RAC2: variants seen among roughly 807,000 people sequenced by gnomAD.
The protein encoded by RAC2 is ras-related C3 botulinum toxin substrate 2.
A neutral mutation model predicts 24.0 loss-of-function variants in RAC2; 1 was observed. That is an observed-to-expected ratio of 0.04 (90% confidence interval 0.01 to 0.20). RAC2 has a LOEUF of 0.20. Ranked by LOEUF, RAC2 falls within the 10% of genes least tolerant of loss-of-function variation. The pLI is 1.00. For missense variants in RAC2, 130 were observed against 259.1 expected (o/e 0.50, Z 3.42); for synonymous variants, 114 against 106.8 (o/e 1.07, Z -0.41).
At chr22:37,244,055 C>T (rs535815109) in intron 1 of RAC2, 59 bp downstream of exon 1, 34 of 1,608,416 alleles carry the variant, frequency 2.1e-5, no homozygotes, top group Admixed American at 5.0e-5. Flanking sequence ...GGCACCAGGG[C>T]GGAAGGATCT....
At chr22:37,244,005 C>A in intron 1 of RAC2, 109 bp downstream of exon 1, 3 of 1,463,596 alleles carry the variant, frequency 2.0e-6, no homozygotes, top group Non-Finnish European at 2.9e-6. Flanking sequence ...AGCTGCCTTC[C>A]AGGGACGCCT....
chr22:37,238,861 C>T (rs1042194231), intron 2 of RAC2, among the ~76,000 whole-genome samples: 4 of 152,242 alleles, frequency 2.6e-5, no homozygotes, highest in African/African-American at 9.6e-5. Context: ...AGGAAGGTGT[C>T]AGTTCCGAAG....
chr22:37,234,622 C>T (rs1405177527), intron 2 of RAC2, among the ~76,000 whole-genome samples: 2 of 152,314 alleles, frequency 1.3e-5, no homozygotes, highest in African/African-American at 4.8e-5. Flanking sequence ...CTCCTCCCCT[C>T]GCACACCAGC....
chr22:37,241,048 G>A (rs568760331), intron 2 of RAC2: 44 of 722,652 alleles, frequency 6.1e-5, no homozygotes, highest in African/African-American at 5.6e-4. Context: ...GCTGGCCAGG[G>A]AGGGGCTGGT....
In RAC2 at chr22:37,231,400, T is replaced by G. The variant is rs1927056963; in HGVS notation, c.289-10A>C. 6 of 1,612,766 alleles carry G rather than the reference T, an allele frequency of 3.7e-6. No individual in the cohort carries two copies. The East Asian group carries it at 1.3e-4, about 36-fold the overall frequency. ...GCACTTCTGGGAACCACTGGGCAGG[T>G]GGGTGGGGGGACACAAGGTTGTATG... On this transcript the variant is annotated splice_polypyrimidine_tract_variant and intron_variant, in intron 4 of 6. Transcript: ENST00000249071. This position sits in a 1 kb window ranked among gnomAD's most constrained non-coding sequence, Gnocchi z 5.5.
Position 37,231,224 on chromosome 22 carries a change from C to T in RAC2, c.448+7G>A, listed in dbSNP as rs993728770. 1 of 1,612,952 alleles carries T rather than the reference C, an allele frequency of 6.2e-7. No individual in the cohort carries two copies. Among genetic ancestry groups the T allele is most frequent in the Non-Finnish European group, 8.5e-7 (1 of 1,180,000 alleles). ...CCAGATCGCCCCTCTGAGCCCGAGG[C>T]CCATACCAATCTCCTTGGCCAGTGC... is the stretch of plus-strand genomic sequence containing the variant. On this transcript the variant is annotated splice_region_variant and intron_variant, in intron 5 of 6. Transcript: ENST00000249071. The surrounding 1 kb of genome is among the most constrained non-coding windows in gnomAD (Gnocchi z 5.5).
intron 6 of RAC2, among the ~76,000 whole-genome samples, 161 bp downstream of exon 6, chr22:37,226,510 T>C (rs1024838122): frequency 5.3e-5 from 8 of 152,088 alleles, no homozygotes; most frequent in Non-Finnish European, 1.2e-4. Context: ...AGAGTGAGAC[T>C]GGCCCAGGCA....
At chr22:37,237,872 C>T (rs1927281189) in intron 2 of RAC2, among the ~76,000 whole-genome samples, 1 of 151,666 alleles carries the variant, frequency 6.6e-6, no homozygotes. Flanking sequence ...AAGATGAAGT[C>T]GGGCTGTCGG....
chr22:37,230,565 T>C (rs947026381), intron 5 of RAC2, among the ~76,000 whole-genome samples: 1 of 152,112 alleles, frequency 6.6e-6, no homozygotes, highest in African/African-American at 2.4e-5. Context: ...CCCCCAGCAG[T>C]GAGCCAATAA....
At chr22:37,239,624 G>C (rs1927330344) in intron 2 of RAC2, among the ~76,000 whole-genome samples, 3 of 152,168 alleles carry the variant, frequency 2.0e-5, no homozygotes, top group Admixed American at 6.5e-5. Flanking sequence ...AGGAGCTTGG[G>C]ACTTCCAAGC....
At chr22:37,233,650 C>T (rs558417971) in intron 2 of RAC2, among the ~76,000 whole-genome samples, 68 of 152,226 alleles carry the variant, frequency 4.5e-4, no homozygotes, top group African/African-American at 1.6e-3. Context: ...AACCCTGAGA[C>T]AAGGAGGTGA....
chr22:37,239,866 C>T (rs55819536), intron 2 of RAC2, among the ~76,000 whole-genome samples: 4,036 of 152,234 alleles, frequency 0.027, 201 homozygotes, highest in African/African-American at 0.093. Context: ...GGTTTGCAGC[C>T]AGCCCTCCCT....
At chr22:37,241,409 C>T (rs1230749689) in intron 2 of RAC2, among the ~76,000 whole-genome samples, 178 bp downstream of exon 2, 2 of 152,228 alleles carry the variant, frequency 1.3e-5, no homozygotes, top group Admixed American at 1.3e-4. Flanking sequence ...TCTGGGAGCC[C>T]CCAGCACCTC....
intron 2 of RAC2, among the ~76,000 whole-genome samples, chr22:37,234,354 A>C (rs1927162018): frequency 6.6e-6 from 1 of 152,184 alleles, no homozygotes; most frequent in African/African-American, 2.4e-5. Context: ...ACGCTGTGGA[A>C]GGGAAAACTT....
At chr22:37,239,018 T>A (rs1927316987) in intron 2 of RAC2, among the ~76,000 whole-genome samples, 1 of 152,202 alleles carries the variant, frequency 6.6e-6, no homozygotes, top group Non-Finnish European at 1.5e-5. Flanking sequence ...TCTCTCCACC[T>A]TAATCTCAGG....
Position 37,231,498 on chromosome 22 carries a change from G to A in RAC2, c.289-108C>T. 2 of 1,084,990 alleles carry A rather than the reference G, an allele frequency of 1.8e-6. No individual in the cohort carries two copies. The highest frequency in any genetic ancestry group is 2.7e-6 in the Non-Finnish European group (2 of 730,046). The allele number at this position is 1,084,990 out of a possible 1,614,324, so 67.2% of individuals were successfully genotyped here. A position where few individuals can be genotyped will look rare whatever the true frequency, so the allele number is the denominator to read the frequency against. On this transcript the variant is annotated intron_variant, in intron 4 of 6. Transcript: ENST00000249071. This position sits in a 1 kb window ranked among gnomAD's most constrained non-coding sequence, Gnocchi z 5.5. ...GGTGTAGGGAGAGGAGAGGCAGCAA[G>A]TTGCCAGAAGATCAGAGGTGGGCAC...
intron 5 of RAC2, among the ~76,000 whole-genome samples, chr22:37,228,142 A>C (rs1387913163): frequency 2.0e-5 from 3 of 152,234 alleles, no homozygotes; most frequent in Admixed American, 2.0e-4. Context: ...TCTTACAGAC[A>C]AGGAAACTGA....
chr22:37,241,709 C>CGT, intron 1 of RAC2, 51 bp from the exon 2 acceptor site: 1 of 1,539,940 alleles, frequency 6.5e-7, no homozygotes, highest in Non-Finnish European at 9.0e-7. Context: ...CTGCCGGAGA[C>CGT]GTGGGGAGGT....
In RAC2 at chr22:37,225,392, G is replaced by C. The variant is rs1000101561; in HGVS notation, c.*650C>G. 14 of 152,386 alleles carry C rather than the reference G, an allele frequency of 9.2e-5. No homozygotes were observed. Among genetic ancestry groups the C allele is most frequent in the African/African-American group, 3.4e-4 (14 of 41,584 alleles). 9.4% of individuals were successfully genotyped at this position (152,386 alleles called of 1,614,324 possible). ...ACTCTCACAGGTAAGTGCAGCTCAG[G>C]ATCCTGTGAGTGCAGCAGAAAGTCT... On this transcript the variant is annotated 3_prime_UTR_variant, in exon 7 of 7. Coordinates refer to ENST00000249071, the MANE Select transcript of RAC2 (RefSeq NM_002872.5).
Sources: allele counts gnomAD v4.1 joint callset (sites outside exome capture counted in the v4.1 genomes callset), GRCh38; gene constraint gnomAD v4.1.1; non-coding constraint Gnocchi (gnomAD v3.1); transcripts MANE v1.5; gene names NCBI Gene and HGNC (gene_info 2026-07-23, HGNC 2026-07-21).